Variants in ITPRID1 observed in about 807,000 individuals in gnomAD.
ITPRID1 encodes ITPR interacting domain containing 1.
In ITPRID1, 96 loss-of-function variants were observed where a neutral mutation model predicts 95.4. That is an observed-to-expected ratio of 1.01 (90% CI 0.85 to 1.19). The LOEUF is 1.19. Ranked by LOEUF, ITPRID1 falls within the 50% of genes most tolerant of loss-of-function variation. The pLI is 0.00. For synonymous variants in ITPRID1, 510 were observed against 453.6 expected (o/e 1.12, Z -1.58); for missense variants, 1,339 against 1,252.9 (o/e 1.07, Z -1.04).
chr7:31,564,044 C>G (rs770527942), intron 5 of ITPRID1, among the ~76,000 whole-genome samples: 32 of 152,154 alleles, frequency 2.1e-4, no homozygotes, highest in Non-Finnish European at 2.8e-4. Context: ...TTTGATTAGT[C>G]TATTGGACGA....
At chr7:31,642,641 A>G in intron 11 of ITPRID1, 41 bp from the exon 12 acceptor site, 1 of 1,570,322 alleles carries the variant, frequency 6.4e-7, no homozygotes, top group African/African-American at 1.4e-5. Flanking sequence ...TGCCTCCTCC[A>G]CTTCCTGACC....
intron 5 of ITPRID1, among the ~76,000 whole-genome samples, chr7:31,564,846 C>T (rs970578934): frequency 3.3e-5 from 5 of 152,102 alleles, no homozygotes; most frequent in African/African-American, 7.2e-5. Flanking sequence ...ACACCTGGGC[C>T]GGGGCTGCTG....
At chr7:31,643,999 A>G (rs762071933) in intron 12 of ITPRID1, 46 bp downstream of exon 12, 1 of 1,499,432 alleles carries the variant, frequency 6.7e-7, no homozygotes. Context: ...TGCACCCGTG[A>G]TAAACACCTC....
intron 1 of ITPRID1, among the ~76,000 whole-genome samples, chr7:31,537,095 T>TTGTGTG (rs66543091): frequency 0.17 from 24,767 of 145,376 alleles, 2,258 homozygotes; most frequent in East Asian, 0.25. Context: ...GGTGTGTGTG[T>TTGTGTG]TGTGTGTGTG....
At chr7:31,651,670 T>C (rs976546631) in intron 13 of ITPRID1, among the ~76,000 whole-genome samples, 5 of 152,070 alleles carry the variant, frequency 3.3e-5, no homozygotes, top group Non-Finnish European at 7.4e-5. Context: ...GTTTTAAAAC[T>C]GAATAGTGGT....
At chr7:31,619,643 G>C (rs1245799081) in intron 10 of ITPRID1, among the ~76,000 whole-genome samples, 1 of 152,120 alleles carries the variant, frequency 6.6e-6, no homozygotes, top group Non-Finnish European at 1.5e-5. Flanking sequence ...TGGCCGAATA[G>C]GAACAGCTCC....
At chr7:31,588,169 T>A (rs1222142686) in intron 10 of ITPRID1, among the ~76,000 whole-genome samples, 1 of 152,172 alleles carries the variant, frequency 6.6e-6, no homozygotes, top group Non-Finnish European at 1.5e-5. Context: ...AAAATATTTT[T>A]AAAACTCCTA....
intron 10 of ITPRID1, among the ~76,000 whole-genome samples, chr7:31,584,132 T>C (rs1014137): frequency 0.49 from 74,045 of 152,016 alleles, 18,939 homozygotes; most frequent in African/African-American, 0.64. Context: ...CATGGTCTTA[T>C]AAGGGAGTTA....
chr7:31,615,142 G>C (rs1787085306), intron 10 of ITPRID1, among the ~76,000 whole-genome samples: 3 of 152,122 alleles, frequency 2.0e-5, no homozygotes, highest in Admixed American at 2.0e-4. Context: ...TTAGTCCTTA[G>C]AAACAAGGGT....
At chr7:31,535,721 A>G (rs1427203518) in intron 1 of ITPRID1, among the ~76,000 whole-genome samples, 1 of 152,096 alleles carries the variant, frequency 6.6e-6, no homozygotes, top group Non-Finnish European at 1.5e-5. Context: ...TTTTTGAAGA[A>G]TATTTTAACT....
At chr7:31,651,854 A>G (rs1044878187) in intron 13 of ITPRID1, 85 bp from the exon 14 acceptor site, 9 of 894,426 alleles carry the variant, frequency 1.0e-5, no homozygotes, top group Non-Finnish European at 1.6e-5. Flanking sequence ...ATTGCAAAGG[A>G]AGAACCTATA....
chr7:31,514,205 G>T (rs1043033191), intron 1 of ITPRID1, 85 bp downstream of exon 1: 2 of 152,122 alleles, frequency 1.3e-5, no homozygotes, highest in African/African-American at 4.8e-5. Context: ...AACTAAGGAA[G>T]GTAAGACTGT....
chr7:31,592,840 A>C (rs1192290652), intron 10 of ITPRID1, among the ~76,000 whole-genome samples: 17 of 152,230 alleles, frequency 1.1e-4, no homozygotes, highest in Non-Finnish European at 2.9e-5. Context: ...ATTGAACTCA[A>C]GTAATAAAAC....
intron 10 of ITPRID1, among the ~76,000 whole-genome samples, chr7:31,598,924 T>C (rs1786223976): frequency 6.6e-6 from 1 of 152,306 alleles, no homozygotes; most frequent in South Asian, 2.1e-4. Flanking sequence ...CAAGTGTTGG[T>C]GAGGCTATGG....
intron 1 of ITPRID1, among the ~76,000 whole-genome samples, chr7:31,519,456 C>T (rs1438048394): frequency 2.0e-5 from 3 of 151,536 alleles, no homozygotes; most frequent in Non-Finnish European, 4.4e-5. Context: ...AAAGTAAAAA[C>T]TGTTCGAAAT....
At chr7:31,614,860 G>T (rs1180511361) in intron 10 of ITPRID1, among the ~76,000 whole-genome samples, 1 of 151,982 alleles carries the variant, frequency 6.6e-6, no homozygotes, top group African/African-American at 2.4e-5. Context: ...CCTGATTCGG[G>T]GGCCCCATTT....
chr7:31,628,722 C>T (rs1192382746), intron 10 of ITPRID1, among the ~76,000 whole-genome samples: 3 of 152,238 alleles, frequency 2.0e-5, no homozygotes, highest in East Asian at 1.9e-4. Context: ...TCCGAAAGTG[C>T]TGGGATTACA....
chr7:31,639,315 A>C (rs1464422713), intron 10 of ITPRID1, among the ~76,000 whole-genome samples: 1 of 152,122 alleles, frequency 6.6e-6, no homozygotes, highest in Non-Finnish European at 1.5e-5. Flanking sequence ...CATTTGGGAT[A>C]GCTTCTTATG....
At chr7:31,529,829 G>A (rs1783538061) in intron 1 of ITPRID1, 8 of 1,534,024 alleles carry the variant, frequency 5.2e-6, no homozygotes, top group Non-Finnish European at 5.2e-6. Flanking sequence ...TTCTGGTACA[G>A]TAACTCTTAT....
Sources: gnomAD v4.1 joint callset for allele counts (sites outside exome capture counted in the v4.1 genomes callset) on GRCh38, gnomAD v4.1.1 for gene constraint, MANE v1.5 for transcripts, NCBI Gene and HGNC (gene_info 2026-07-23, HGNC 2026-07-21) for gene names.